The following MGAT4C variants were observed in gnomAD, a reference collection of about 807,000 sequenced individuals.
MGAT4C encodes alpha-1,3-mannosyl-glycoprotein 4-beta-N-acetylglucosaminyltransferase C.
Under a neutral mutation model 40.1 loss-of-function variants are expected in MGAT4C, and 19 were observed. That is an observed-to-expected ratio of 0.47 (90% CI 0.33 to 0.70). MGAT4C has a LOEUF of 0.70. MGAT4C is among the 30% of genes least tolerant of loss of function. The pLI is 0.02. For missense variants in MGAT4C, 491 were observed against 563.2 expected, an observed-to-expected ratio of 0.87 and a Z score of 1.30; for synonymous variants, 181 against 187.1, an observed-to-expected ratio of 0.97 and a Z score of 0.27.
chr12:86,039,122 C>A (rs199616630), intron 2 of MGAT4C, among the ~76,000 whole-genome samples: 1 of 151,910 alleles, frequency 6.6e-6, no homozygotes, highest in Non-Finnish European at 1.5e-5. Flanking sequence ...TGTGGGTAAC[C>A]CAACCTTTCT....
At chr12:86,107,646 T>C (rs1227383895) in intron 1 of MGAT4C, among the ~76,000 whole-genome samples, 1 of 152,188 alleles carries the variant, frequency 6.6e-6, no homozygotes, top group Non-Finnish European at 1.5e-5. Flanking sequence ...TTTGGCTTGG[T>C]AGTTGTTACT....
intron 2 of MGAT4C, among the ~76,000 whole-genome samples, chr12:86,705,761 C>T (rs766546386): frequency 2.6e-5 from 4 of 152,006 alleles, no homozygotes; most frequent in Non-Finnish European, 5.9e-5. Flanking sequence ...AGAGGAGATA[C>T]AATGTAGTGT....
chr12:86,662,006 GT>G (rs1165359091), intron 2 of MGAT4C, among the ~76,000 whole-genome samples: 1 of 152,110 alleles, frequency 6.6e-6, no homozygotes, highest in Non-Finnish European at 1.5e-5. Flanking sequence ...TGTATATTTA[GT>G]TTCTAATGTG....
intron 2 of MGAT4C, among the ~76,000 whole-genome samples, chr12:86,642,824 G>T (rs1174496952): frequency 6.6e-6 from 1 of 151,048 alleles, no homozygotes; most frequent in Non-Finnish European, 1.5e-5. Context: ...ATATCTATGT[G>T]ATACCACATA....
chr12:86,531,847 TTTAAAA>T (rs1440160445), intron 2 of MGAT4C, among the ~76,000 whole-genome samples: 1 of 151,958 alleles, frequency 6.6e-6, no homozygotes, highest in Non-Finnish European at 1.5e-5. Context: ...CAATTTTAAC[TTTAAAA>T]TTAAAAAATA....
chr12:86,829,486 A>C (rs1271573176), intron 1 of MGAT4C, among the ~76,000 whole-genome samples: 4 of 151,580 alleles, frequency 2.6e-5, no homozygotes, highest in Non-Finnish European at 5.9e-5. Flanking sequence ...AACTTTCTAC[A>C]AAATTTAAGG....
chr12:86,015,137 C>T (rs977238755), intron 2 of MGAT4C, among the ~76,000 whole-genome samples: 1 of 151,394 alleles, frequency 6.6e-6, no homozygotes, highest in Non-Finnish European at 1.5e-5. Context: ...TTTTTCACTT[C>T]TGAGGTGAAA....
intron 1 of MGAT4C, among the ~76,000 whole-genome samples, chr12:86,080,033 G>A (rs1222914863): frequency 6.6e-6 from 1 of 151,720 alleles, no homozygotes; most frequent in Non-Finnish European, 1.5e-5. Flanking sequence ...AGGCTCTGAA[G>A]TTCTCCCTGC....
intron 1 of MGAT4C, among the ~76,000 whole-genome samples, chr12:86,198,387 T>A (rs143812163): frequency 7.2e-5 from 11 of 152,200 alleles, no homozygotes; most frequent in Admixed American, 2.6e-4. Context: ...TTTTGACTAA[T>A]CTGTTTGACT....
chr12:86,249,035 TATAACTTTTATATA>T (rs1305065489), intron 1 of MGAT4C, among the ~76,000 whole-genome samples: 2 of 152,148 alleles, frequency 1.3e-5, no homozygotes, highest in Non-Finnish European at 2.9e-5. Flanking sequence ...TTATTTAATA[TATAACTTTTATATA>T]ATGTTGTTCA....
At chr12:86,375,246 T>C (rs1221584483) in intron 3 of MGAT4C, among the ~76,000 whole-genome samples, 1 of 152,204 alleles carries the variant, frequency 6.6e-6, no homozygotes, top group Non-Finnish European at 1.5e-5. Flanking sequence ...AATAGTTCAC[T>C]CAAGGTTTTG....
chr12:86,207,029 A>T (rs1393324631), intron 1 of MGAT4C, among the ~76,000 whole-genome samples: 1 of 152,168 alleles, frequency 6.6e-6, no homozygotes, highest in South Asian at 2.1e-4. Context: ...GTAATGTAAA[A>T]TCTAAAAAAT....
intron 4 of MGAT4C, among the ~76,000 whole-genome samples, chr12:86,310,687 T>C (rs1197734842): frequency 5.3e-5 from 8 of 152,052 alleles, no homozygotes; most frequent in African/African-American, 1.9e-4. Context: ...TTTCAGGGGC[T>C]AAGGCGGGCA....
At chr12:86,746,931 G>A (rs557305799) in intron 1 of MGAT4C, among the ~76,000 whole-genome samples, 2 of 151,678 alleles carry the variant, frequency 1.3e-5, no homozygotes, top group South Asian at 4.1e-4. Flanking sequence ...CCATTTGAAA[G>A]CAAAAATATT....
intron 1 of MGAT4C, among the ~76,000 whole-genome samples, chr12:86,202,019 T>A (rs61948995): frequency 7.9e-5 from 12 of 151,636 alleles, no homozygotes; most frequent in African/African-American, 2.9e-4. Context: ...AAAAAAAAGT[T>A]ATTACATTTA....
chr12:86,539,613 T>A (rs1045114251), intron 2 of MGAT4C, among the ~76,000 whole-genome samples: 10 of 152,206 alleles, frequency 6.6e-5, no homozygotes, highest in African/African-American at 2.4e-4. Flanking sequence ...TCTTCCACAA[T>A]GGTTGAACTA....
intron 1 of MGAT4C, among the ~76,000 whole-genome samples, chr12:86,803,397 A>C (rs905887849): frequency 2.0e-5 from 3 of 151,918 alleles, no homozygotes; most frequent in African/African-American, 4.8e-5. Context: ...ATGGCAACAA[A>C]AGACAAAATT....
At chr12:86,505,610 T>G (rs1183933882) in intron 2 of MGAT4C, among the ~76,000 whole-genome samples, 1 of 152,232 alleles carries the variant, frequency 6.6e-6, no homozygotes, top group African/African-American at 2.4e-5. Flanking sequence ...GTGAAATGGT[T>G]AAGCATACCT....
chr12:86,733,884 T>A (rs1950947802), intron 1 of MGAT4C, among the ~76,000 whole-genome samples: 1 of 152,122 alleles, frequency 6.6e-6, no homozygotes. Flanking sequence ...ATTCTGTTTA[T>A]GAAAAAAATA....
Sources: allele counts gnomAD v4.1 joint callset (sites outside exome capture counted in the v4.1 genomes callset), GRCh38; gene constraint gnomAD v4.1.1; transcripts MANE v1.5; gene names NCBI Gene and HGNC (gene_info 2026-07-23, HGNC 2026-07-21).